TENM2: variants seen among roughly 807,000 people sequenced by gnomAD.
The protein encoded by TENM2 is teneurin transmembrane protein 2.
A neutral mutation model predicts 245.2 loss-of-function variants in TENM2; 52 were observed. That is an observed-to-expected ratio of 0.21 (90% confidence interval 0.17 to 0.27). TENM2 has a LOEUF of 0.27. Ranked by LOEUF, TENM2 falls within the 10% of genes least tolerant of loss-of-function variation. The pLI is 1.00. For missense variants in TENM2, 3,046 were observed against 3,666.8 expected (o/e 0.83, Z 4.37); for synonymous variants, 1,363 against 1,438.9 (o/e 0.95, Z 1.19).
At chr5:167,461,897 T>G (rs2127493756) in intron 2 of TENM2, among the ~76,000 whole-genome samples, 1 of 152,266 alleles carries the variant, frequency 6.6e-6, no homozygotes, top group South Asian at 2.1e-4. Flanking sequence ...ATATTAGTGG[T>G]TTACAGTATA....
chr5:168,130,028 T>C (rs534411898), intron 12 of TENM2: 1 of 152,308 alleles, frequency 6.6e-6, no homozygotes, highest in South Asian at 2.1e-4. Context: ...TTGGGGTCAT[T>C]GCAAATAGTC....
the TENM2 span, among the ~76,000 whole-genome samples, chr5:167,099,247 A>G: frequency 6.6e-6 from 1 of 152,174 alleles, no homozygotes; most frequent in Non-Finnish European, 1.5e-5. Context: ...CTTTGGTGAG[A>G]TCATCTCTGT....
intron 2 of TENM2, among the ~76,000 whole-genome samples, chr5:167,737,300 G>A (rs141382165): frequency 1.3e-5 from 2 of 152,302 alleles, no homozygotes; most frequent in East Asian, 3.9e-4. Context: ...TCTCTGGGAG[G>A]TGGGAAGCAT....
chr5:168,041,521 T>G (rs1160082732), intron 5 of TENM2, among the ~76,000 whole-genome samples: 1 of 152,234 alleles, frequency 6.6e-6, no homozygotes, highest in East Asian at 1.9e-4. Context: ...CCTTTATGTC[T>G]TTGCTCAAAT....
In TENM2 at chr5:168,218,313, G is replaced by A; in HGVS notation, c.4422G>A (p.Leu1474=). The A allele has an allele frequency of 6.2e-7, 1 of 1,613,846 alleles. No individual in the cohort carries two copies. Among genetic ancestry groups the A allele is most frequent in the Non-Finnish European group, 8.5e-7 (1 of 1,179,890 alleles). ...GCAAACTAGCCATTCACTCTGCCCT[G>A]GAGTCAGCCAGTGCCATTGCCATTT... Residue 1474 remains leucine (L), a synonymous_variant, in exon 23 of 29, where the codon CTG becomes CTA. Coordinates refer to ENST00000518659, the Ensembl canonical transcript of TENM2. The surrounding 1 kb of genome is among the most constrained non-coding windows in gnomAD (Gnocchi z 5.2).
At chr5:166,988,483 G>T in the TENM2 span, among the ~76,000 whole-genome samples, 1 of 152,138 alleles carries the variant, frequency 6.6e-6, no homozygotes, top group African/African-American at 2.4e-5. Context: ...CAGATTGCAG[G>T]ATCTCTTAAT....
At chr5:167,757,364 A>T (rs1307427899) in intron 2 of TENM2, among the ~76,000 whole-genome samples, 1 of 151,046 alleles carries the variant, frequency 6.6e-6, no homozygotes, top group Non-Finnish European at 1.5e-5. Flanking sequence ...TTCCTGTGTT[A>T]GTTTGCTGAG....
chr5:167,923,959 G>A (rs924933383), intron 3 of TENM2, among the ~76,000 whole-genome samples: 1 of 152,204 alleles, frequency 6.6e-6, no homozygotes, highest in African/African-American at 2.4e-5. Context: ...ATACATTAAA[G>A]TCTATCTTAA....
chr5:168,068,992 A>C (rs1790749753), intron 7 of TENM2, among the ~76,000 whole-genome samples: 1 of 152,012 alleles, frequency 6.6e-6, no homozygotes, highest in South Asian at 2.1e-4. Context: ...GTTTTTGTGC[A>C]ATTTTGAGAG....
chr5:167,962,013 G>A (rs1781048842), intron 4 of TENM2, among the ~76,000 whole-genome samples: 1 of 152,104 alleles, frequency 6.6e-6, no homozygotes. Context: ...GCAATCAGTT[G>A]GTTTTCTAGA....
chr5:167,445,335 A>AGGGG (rs1363455239), intron 2 of TENM2, among the ~76,000 whole-genome samples: 1 of 59,192 alleles, frequency 1.7e-5, no homozygotes, highest in Non-Finnish European at 3.0e-5. Flanking sequence ...ATATATATAT[A>AGGGG]TAGAGAGAGA....
Position 167,329,674 on chromosome 5 carries a change from T to C in TENM2, c.226+44611T>C, listed in dbSNP as rs182798522. Among the ~76,000 whole-genome samples, 69 of 148,528 alleles carry C rather than the reference T, an allele frequency of 4.6e-4. 1 individual carries two copies. In the East Asian group the frequency reaches 0.013, roughly 28 times the overall value. On this transcript the variant is annotated intron_variant, in intron 1 of 28. Transcript: ENST00000518659. ...GGGTAGACATTGGAATTAGGAAAAATCTGTTGAGGAAATTATTGAATTGAT... is the reference window on the plus strand; with the variant it reads ...GGGTAGACATTGGAATTAGGAAAAACCTGTTGAGGAAATTATTGAATTGAT...
chr5:167,297,482 G>GT (rs1755011862), intron 1 of TENM2: 1 of 152,182 alleles, frequency 6.6e-6, no homozygotes, highest in South Asian at 2.1e-4. Context: ...AATGTAACAG[G>GT]TAACAGTTGA....
intron 2 of TENM2, among the ~76,000 whole-genome samples, chr5:167,804,735 A>G (rs1420198119): frequency 6.6e-6 from 1 of 152,132 alleles, no homozygotes; most frequent in Non-Finnish European, 1.5e-5. Context: ...AACATCTCTA[A>G]ACAAATGAAT....
In TENM2 at chr5:167,748,879, G is replaced by A. The variant is rs112903799; in HGVS notation, c.503-127107G>A. ...ATCCATCCCTCAACACATGAAGACT[G>A]TGGGGATTACAGTTCAAGATGAGAT... On this transcript the variant is annotated intron_variant, in intron 2 of 28. Coordinates refer to ENST00000518659, the Ensembl canonical transcript of TENM2. Among the ~76,000 whole-genome samples the A allele has an allele frequency of 4.8e-4, 73 of 152,196 alleles. 1 individual carries two copies. The highest frequency in any genetic ancestry group is 1.8e-3 in the African/African-American group (73 of 41,530).
Position 167,903,619 on chromosome 5 carries a change from G to T in TENM2, c.712+27424G>T, listed in dbSNP as rs1179337885. 2.0e-5 allele frequency among the ~76,000 whole-genome samples: 3 copies of T among 152,178 alleles called. No homozygotes were observed. In the East Asian group the frequency reaches 5.8e-4, roughly 29 times the overall value. ...ACAAGAAGCAGGAAAGTTCTTGGTT[G>T]TGTTGAGGAACTAGGAGAAAATGTG... On this transcript the variant is annotated intron_variant, in intron 3 of 28. Coordinates refer to ENST00000518659, the Ensembl canonical transcript of TENM2.
intron 1 of TENM2, among the ~76,000 whole-genome samples, chr5:167,327,862 T>G (rs957291390): frequency 6.6e-6 from 1 of 152,196 alleles, no homozygotes; most frequent in African/African-American, 2.4e-5. Flanking sequence ...TTTGTATGTT[T>G]AGAAGATCAT....
At chr5:168,080,063 A>C (rs1791842288) in intron 7 of TENM2, among the ~76,000 whole-genome samples, 1 of 151,988 alleles carries the variant, frequency 6.6e-6, no homozygotes, top group Non-Finnish European at 1.5e-5. Context: ...CTGGTCCTAG[A>C]CTTTTTTTGG....
At position 168,247,077 on chromosome 5, in the gene TENM2, T is replaced by C; in HGVS notation, c.6138T>C (p.Thr2046=). Residue 2046 remains threonine, a synonymous_variant, in exon 27 of 29, where the codon ACT becomes ACC. Transcript: ENST00000518659. This position sits in a 1 kb window ranked among gnomAD's most constrained non-coding sequence, Gnocchi z 7.8. ...TCACCTTCGGGTATGACGAGACCACTGGTGTCTTGAAGATGGTCAACCTCC... is the reference window on the plus strand; with the variant it reads ...TCACCTTCGGGTATGACGAGACCACCGGTGTCTTGAAGATGGTCAACCTCC... 5.6e-6 allele frequency: 9 copies of C among 1,613,928 alleles called. No individual in the cohort carries two copies. Among genetic ancestry groups the C allele is most frequent in the Non-Finnish European group, 7.6e-6 (9 of 1,179,876 alleles).
Sources: gnomAD v4.1 joint callset for allele counts (sites outside exome capture counted in the v4.1 genomes callset) on GRCh38, gnomAD v4.1.1 for gene constraint, Gnocchi (gnomAD v3.1) non-coding constraint, MANE v1.5 for transcripts, NCBI Gene and HGNC (gene_info 2026-07-23, HGNC 2026-07-21) for gene names.